Variants in KCNAB2 observed in about 807,000 individuals in gnomAD.
KCNAB2 encodes potassium voltage-gated channel subfamily A regulatory beta subunit 2.
Under a neutral mutation model 63.6 loss-of-function variants are expected in KCNAB2, and 29 were observed. That is an observed-to-expected ratio of 0.46 (90% confidence interval 0.34 to 0.62). KCNAB2 has a LOEUF of 0.62. KCNAB2 is among the 20% of genes least tolerant of loss of function. KCNAB2 has a pLI of 0.01. For synonymous variants in KCNAB2, 222 were observed against 224.2 expected, an observed-to-expected ratio of 0.99 and a Z score of 0.09; for missense variants, 359 against 563.9, an observed-to-expected ratio of 0.64 and a Z score of 3.68.
chr1:6,100,314 C>G lies in KCNAB2; in HGVS notation c.*1740C>G, dbSNP rs1665948335. On this transcript the variant is annotated 3_prime_UTR_variant, in exon 16 of 16. Transcript: ENST00000378083. ...TTGCCCCTCCTCATAGACCAAGTCC[C>G]GGGGGTCTCCACTCAGTCCTGCTGC... 1 of 363,170 alleles carries G rather than the reference C, an allele frequency of 2.8e-6. No individual in the cohort carries two copies. The highest frequency in any genetic ancestry group is 8.5e-5 in the South Asian group (1 of 11,816). 22.5% of individuals were successfully genotyped at this position (363,170 alleles called of 1,614,324 possible).
chr1:6,008,396 G>A (rs539932504), intron 1 of KCNAB2, among the ~76,000 whole-genome samples: 3 of 152,214 alleles, frequency 2.0e-5, no homozygotes, highest in South Asian at 4.1e-4. Flanking sequence ...CAAGGTGGGC[G>A]GATCACCTGA....
At position 6,085,254 on chromosome 1, in the gene KCNAB2, G is replaced by C. The variant is rs201665803; in HGVS notation, c.425+6G>C. 3 of 1,613,692 alleles carry C rather than the reference G, an allele frequency of 1.9e-6. No individual in the cohort carries two copies. Among genetic ancestry groups the C allele is most frequent in the Admixed American group, 3.3e-5 (2 of 60,024 alleles). On this transcript the variant is annotated splice_donor_region_variant and intron_variant, in intron 6 of 15. Transcript: ENST00000378083. Reference sequence around the variant, plus strand: ...ATTAAGAAGAAAGGATGGAGGTAACGGCCCTGCTCTCTGCGGCCTGTCCCT... The same window carrying C: ...ATTAAGAAGAAAGGATGGAGGTAACCGCCCTGCTCTCTGCGGCCTGTCCCT...
At chr1:6,014,565 G>A (rs986314503) in intron 1 of KCNAB2, among the ~76,000 whole-genome samples, 1 of 152,242 alleles carries the variant, frequency 6.6e-6, no homozygotes, top group Non-Finnish European at 1.5e-5. Flanking sequence ...AGCAGCCTGC[G>A]TGGCTCGGCC....
chr1:6,036,268 C>T (rs11121073), intron 1 of KCNAB2, among the ~76,000 whole-genome samples: 66,317 of 151,900 alleles, frequency 0.44, 14,777 homozygotes, highest in East Asian at 0.57. Context: ...TTAGGGAGGC[C>T]GAGGCGGGCG....
chr1:6,018,112 T>G (rs1310601254), intron 1 of KCNAB2, among the ~76,000 whole-genome samples: 1 of 151,998 alleles, frequency 6.6e-6, no homozygotes, highest in Non-Finnish European at 1.5e-5. Flanking sequence ...TTTTTGTAAT[T>G]TTGTAGAAAA....
chr1:6,034,453 T>A (rs114215906), exon 1 of KCNAB2: 1,744 of 152,454 alleles, frequency 0.011, 31 homozygotes, highest in African/African-American at 0.039. Flanking sequence ...AGTTCCCGTC[T>A]GTGGCTGCAG....
At chr1:6,080,652 C>T (rs1028745201) in intron 4 of KCNAB2, among the ~76,000 whole-genome samples, 1 of 152,180 alleles carries the variant, frequency 6.6e-6, no homozygotes, top group Non-Finnish European at 1.5e-5. Context: ...GCCAGATTTC[C>T]ATACACCCCC....
chr1:5,997,143 C>T (rs1490992825), intron 1 of KCNAB2, among the ~76,000 whole-genome samples: 2 of 152,202 alleles, frequency 1.3e-5, no homozygotes, highest in East Asian at 1.9e-4. Context: ...CTCTTCCAGT[C>T]GGACGAGGCG....
chr1:6,075,309 T>G (rs1663570101), intron 4 of KCNAB2, among the ~76,000 whole-genome samples: 1 of 152,120 alleles, frequency 6.6e-6, no homozygotes, highest in African/African-American at 2.4e-5. Context: ...TGAGATGACG[T>G]TTTCACCAGC....
In KCNAB2 at chr1:6,024,469, A is replaced by T. The variant is rs534326505; in HGVS notation, c.-52-16048A>T. Among the ~76,000 whole-genome samples the T allele has an allele frequency of 5.3e-5, 8 of 152,286 alleles. No individual in the cohort carries two copies. Among genetic ancestry groups the T allele is most frequent in the Admixed American group, 2.6e-4 (4 of 15,284 alleles). ...CCTTCCTGGTCCAAAGAAACTTTTT[A>T]AAAAAAGAGTTGGCAAATATCTGAA... is the stretch of plus-strand genomic sequence containing the variant. On this transcript the variant is annotated intron_variant, in intron 1 of 16. Coordinates refer to the KCNAB2 transcript ENST00000341524. The surrounding 1 kb of genome is among the most constrained non-coding windows in gnomAD (Gnocchi z 5.4).
chr1:6,082,353 C>A (rs933514899), intron 5 of KCNAB2, 79 bp downstream of exon 5: 2 of 1,146,250 alleles, frequency 1.7e-6, no homozygotes, highest in African/African-American at 1.5e-5. Flanking sequence ...CTGCCGCTCG[C>A]GTTCCCAAGA....
chr1:6,035,124 T>C lies in KCNAB2; in HGVS notation c.-53+330T>C, dbSNP rs1255565315. On this transcript the variant is annotated intron_variant, in intron 1 of 15. Coordinates refer to the KCNAB2 transcript ENST00000164247. This position sits in a 1 kb window ranked among gnomAD's most constrained non-coding sequence, Gnocchi z 5.0. ...AGCATGCTCAGGCAGACCACGGTGG[T>C]CAGAAGTTGAATTCGGGCCGGAGGA... is the stretch of plus-strand genomic sequence containing the variant. 6.6e-6 allele frequency among the ~76,000 whole-genome samples: 1 copy of C among 151,906 alleles called. No homozygotes were observed. Among genetic ancestry groups the C allele is most frequent in the Admixed American group, 6.5e-5 (1 of 15,272 alleles).
Position 6,078,467 on chromosome 1 carries a change from G to A in KCNAB2, c.301-3728G>A, listed in dbSNP as rs1257184372. Among the ~76,000 whole-genome samples the A allele has an allele frequency of 1.3e-5, 2 of 152,144 alleles. No individual in the cohort carries two copies. Among genetic ancestry groups the A allele is most frequent in the African/African-American group, 2.4e-5 (1 of 41,424 alleles). ...AGGGGGGCGGGGGTCCTGACGACAG[G>A]GTGGTCAGGAAGCAGAAGCGAGCAA... On this transcript the variant is annotated intron_variant, in intron 4 of 15. Coordinates refer to ENST00000378083, the MANE Select transcript of KCNAB2 (RefSeq NM_001199862.2). The surrounding 1 kb of genome is among the most constrained non-coding windows in gnomAD (Gnocchi z 4.2).
In KCNAB2 at chr1:6,095,367, C is replaced by A; in HGVS notation, c.777C>A (p.Ile259=). Residue 259 remains isoleucine, a synonymous_variant, in exon 12 of 16, where the codon ATC becomes ATA. Coordinates refer to ENST00000378083, the MANE Select transcript of KCNAB2 (RefSeq NM_001199862.2). The part of the protein sequence containing the change: ...VARQFNLTPP[I]CEQAEYHMFQ... ...GGCAGTTCAACCTGACCCCGCCCAT[C>A]TGCGAGCAGGCTGAGTACCACATGT... is the stretch of plus-strand genomic sequence containing the variant. 3 of 1,613,074 alleles carry A rather than the reference C, an allele frequency of 1.9e-6. No individual in the cohort carries two copies. The highest frequency in any genetic ancestry group is 2.5e-6 in the Non-Finnish European group (3 of 1,180,022).
rs537369859 is a variant in KCNAB2 at position 6,077,467 on chromosome 1, A to G, written c.300+3697A>G. ...AGGCGCCACCCTGGATGTAGCTGGA[A>G]TTGTATGGTGGCTTCGTTTTTGCTG... On this transcript the variant is annotated intron_variant, in intron 4 of 15. Transcript: ENST00000378083. Among the ~76,000 whole-genome samples the G allele has an allele frequency of 3.3e-5, 5 of 152,288 alleles. No homozygotes were observed. The South Asian group carries it at 1.0e-3, about 32-fold the overall frequency.
At chr1:6,022,686 T>C (rs1658916369) in intron 1 of KCNAB2, among the ~76,000 whole-genome samples, 1 of 152,170 alleles carries the variant, frequency 6.6e-6, no homozygotes, top group African/African-American at 2.4e-5. Context: ...TTCTGCTTTC[T>C]GTCTCTAGGC....
Position 6,072,768 on chromosome 1 carries a change from T to G in KCNAB2, c.232T>G (p.Ser78Ala). 6.2e-7 allele frequency: 1 copy of G among 1,613,790 alleles called. No individual in the cohort carries two copies. The highest frequency in any genetic ancestry group is 8.5e-7 in the Non-Finnish European group (1 of 1,179,840). Residue 78 changes from serine to alanine, a missense_variant, in exon 3 of 16, where the codon TCT becomes GCT. Around this residue, in one of 2 missense-constraint regions of KCNAB2, gnomAD observed 271 missense variants for 476.1 expected, o/e 0.57. Transcript: ENST00000378083. ...TTTGTTTTTCAGGAACCTGGGCAAG[T>G]CTGGCCTGCGGGTCTCCTGCCTGGG... ...TGMKYRNLGK[S>A]GLRVSCLGLG... is the part of the protein sequence containing the mutation.
chr1:6,087,607 C>A lies in KCNAB2; in HGVS notation c.470+96C>A. 2 of 1,322,998 alleles carry A rather than the reference C, an allele frequency of 1.5e-6. No homozygotes were observed. Among genetic ancestry groups the A allele is most frequent in the Non-Finnish European group, 2.2e-6 (2 of 921,732 alleles). The allele number at this position is 1,322,998 out of a possible 1,614,324, so 82.0% of individuals were successfully genotyped here. ...CTGACCTAGAAGGCTCCTGGGGTGG[C>A]GGGAGGACAGTCCTCCTTGAGAAGG... On this transcript the variant is annotated intron_variant, in intron 7 of 15. Transcript: ENST00000378083. This position sits in a 1 kb window ranked among gnomAD's most constrained non-coding sequence, Gnocchi z 6.4.
At chr1:6,031,545 T>C (rs1659623899), upstream of KCNAB2, among the ~76,000 whole-genome samples, 1 of 152,188 alleles carries the variant, frequency 6.6e-6, no homozygotes, top group South Asian at 2.1e-4. The surrounding 1 kb of genome is among the most constrained non-coding windows in gnomAD (Gnocchi z 4.1). Flanking sequence ...CTGCTCTTCC[T>C]TGTGTGTCCT....
Sources: allele counts gnomAD v4.1 joint callset (sites outside exome capture counted in the v4.1 genomes callset), GRCh38; gene constraint gnomAD v4.1.1; regional missense constraint gnomAD v4.1.1; non-coding constraint Gnocchi (gnomAD v3.1); transcripts MANE v1.5; gene names NCBI Gene and HGNC (gene_info 2026-07-23, HGNC 2026-07-21).